The following EGFR variants were observed in gnomAD, a reference collection of about 807,000 sequenced individuals.
EGFR encodes avian erythroblastic leukemia viral (v-erb-b) oncogene homolog.
Under a neutral mutation model 143.0 loss-of-function variants are expected in EGFR, and 58 were observed. The observed-to-expected ratio is 0.41, with a 90% CI of 0.33 to 0.50. EGFR has a LOEUF of 0.50. Ranked by LOEUF, EGFR falls within the 20% of genes least tolerant of loss-of-function variation. The pLI is 0.39. For synonymous variants in EGFR, 613 were observed against 594.4 expected (o/e 1.03, Z -0.45); for missense variants, 1,307 against 1,579.0 (o/e 0.83, Z 2.92).
intron 1 of EGFR, among the ~76,000 whole-genome samples, chr7:55,110,695 C>T (rs914953927): frequency 3.3e-5 from 5 of 152,156 alleles, no homozygotes; most frequent in East Asian, 1.9e-4. Context: ...TGTTCGGATC[C>T]GGAAGTAGAA....
chr7:55,057,079 T>C lies in EGFR; in HGVS notation c.88+37714T>C, dbSNP rs79766186. On this transcript the variant is annotated intron_variant, in intron 1 of 27. Transcript: ENST00000275493. ...TGGTGCGACTGCCATCCTCTGGTAC[T>C]GAAGGTGCTATCATGGAGGGAGGGA... Among the ~76,000 whole-genome samples, 358 of 152,342 alleles carry C rather than the reference T, an allele frequency of 2.3e-3. 17 individuals are homozygous for C. In the East Asian group the frequency reaches 0.051, roughly 22 times the overall value.
intron 1 of EGFR, among the ~76,000 whole-genome samples, chr7:55,037,212 T>TTA (rs750034083): frequency 7.2e-5 from 11 of 152,258 alleles, no homozygotes; most frequent in Non-Finnish European, 1.6e-4. Context: ...TCTTGGATTT[T>TTA]TAGCTCAATT....
chr7:55,176,304 C>A (rs1049530527), intron 19 of EGFR, among the ~76,000 whole-genome samples: 1 of 152,180 alleles, frequency 6.6e-6, no homozygotes, highest in African/African-American at 2.4e-5. Flanking sequence ...GGGAAGGAAG[C>A]AGTGTTCACT....
intron 1 of EGFR, among the ~76,000 whole-genome samples, chr7:55,071,272 T>A (rs1403068601): frequency 6.6e-6 from 1 of 152,240 alleles, no homozygotes; most frequent in African/African-American, 2.4e-5. Context: ...GGAACACATA[T>A]GCTGATTTCC....
chr7:55,049,762 T>C (rs1788379359), intron 1 of EGFR, among the ~76,000 whole-genome samples: 1 of 152,218 alleles, frequency 6.6e-6, no homozygotes, highest in Admixed American at 6.5e-5. Flanking sequence ...CTAGACTATG[T>C]GTCCCCAAGA....
chr7:55,157,885 C>T, intron 11 of EGFR, 132 bp downstream of exon 11: 1 of 909,192 alleles, frequency 1.1e-6, no homozygotes, highest in Non-Finnish European at 1.7e-6. Context: ...AATGCTATCT[C>T]ACATGAGCAG....
intron 19 of EGFR, among the ~76,000 whole-genome samples, chr7:55,176,996 A>C (rs1258093309): frequency 6.6e-6 from 1 of 151,476 alleles, no homozygotes; most frequent in Non-Finnish European, 1.5e-5. Flanking sequence ...AATAAAAGAA[A>C]GCTCAGTTTG....
At position 55,091,885 on chromosome 7, in the gene EGFR, CA is replaced by C. The variant is rs1562706235; in HGVS notation, c.89-50400del. 8.6e-4 allele frequency among the ~76,000 whole-genome samples: 93 copies of C among 108,256 alleles called. 1 individual carries two copies. The highest frequency in any genetic ancestry group is 1.5e-3 in the African/African-American group (42 of 27,574). 71.0% of individuals were successfully genotyped at this position (108,256 alleles called of 152,430 possible). A position where few individuals can be genotyped will look rare whatever the true frequency, so the allele number is the denominator to read the frequency against. ...ACACACACACACACACACACACACA[CA>C]CACACCCTGAGAGAGAGAAAGAGAG... On this transcript the variant is annotated intron_variant, in intron 1 of 27. Transcript: ENST00000275493.
At chr7:55,195,123 C>A (rs973566924) in intron 22 of EGFR, among the ~76,000 whole-genome samples, 1 of 152,204 alleles carries the variant, frequency 6.6e-6, no homozygotes, top group Non-Finnish European at 1.5e-5. Context: ...TGTTTAAAAA[C>A]CTAGTTAAAT....
At chr7:55,095,970 C>T (rs1236262825) in intron 1 of EGFR, among the ~76,000 whole-genome samples, 1 of 151,676 alleles carries the variant, frequency 6.6e-6, no homozygotes, top group Non-Finnish European at 1.5e-5. Context: ...GACATACACA[C>T]AGACACGGGC....
At chr7:55,048,056 C>T (rs974185063) in intron 1 of EGFR, among the ~76,000 whole-genome samples, 1 of 151,922 alleles carries the variant, frequency 6.6e-6, no homozygotes, top group South Asian at 2.1e-4. Context: ...TTTTATAGTG[C>T]TCAAATATAT....
At chr7:55,159,239 T>A (rs1049412293) in intron 11 of EGFR, among the ~76,000 whole-genome samples, 1 of 151,946 alleles carries the variant, frequency 6.6e-6, no homozygotes, top group Non-Finnish European at 1.5e-5. Flanking sequence ...CCCATCGTGG[T>A]CCGGCAGGGG....
intron 3 of EGFR, among the ~76,000 whole-genome samples, chr7:55,145,567 C>T (rs902936772): frequency 1.3e-5 from 2 of 152,218 alleles, no homozygotes; most frequent in African/African-American, 4.8e-5. Flanking sequence ...AGCTCATTTT[C>T]CTAGCAGCCT....
chr7:55,084,086 C>T (rs1313642253), intron 1 of EGFR, among the ~76,000 whole-genome samples: 1 of 152,160 alleles, frequency 6.6e-6, no homozygotes, highest in Non-Finnish European at 1.5e-5. Flanking sequence ...ATTGGCTTAC[C>T]ATGATGAGAT....
At chr7:55,189,247 C>G (rs968563088) in intron 20 of EGFR, among the ~76,000 whole-genome samples, 4 of 152,086 alleles carry the variant, frequency 2.6e-5, no homozygotes, top group African/African-American at 9.7e-5. Context: ...CAGTAGTGGT[C>G]TTGGGGTCTC....
chr7:55,182,240 T>G (rs1786916057), intron 20 of EGFR: 1 of 152,760 alleles, frequency 6.5e-6, no homozygotes, highest in Non-Finnish European at 1.5e-5. Flanking sequence ...TCCCATTGAC[T>G]TTAAAGGATT....
At chr7:55,057,237 C>T (rs1788882380) in intron 1 of EGFR, among the ~76,000 whole-genome samples, 1 of 152,166 alleles carries the variant, frequency 6.6e-6, no homozygotes, top group African/African-American at 2.4e-5. Context: ...GGAATTTGCT[C>T]TTTATAAAGT....
chr7:55,025,972 A>C (rs1265109749), intron 1 of EGFR, among the ~76,000 whole-genome samples: 1 of 152,226 alleles, frequency 6.6e-6, no homozygotes, highest in African/African-American at 2.4e-5. Flanking sequence ...CTGAACCAAA[A>C]AAAGTAGGAG....
chr7:55,143,693 G>A (rs572463731), intron 3 of EGFR, among the ~76,000 whole-genome samples: 19 of 152,282 alleles, frequency 1.2e-4, no homozygotes, highest in Admixed American at 1.0e-3. Context: ...AGATTTAAGC[G>A]GGGTACCAGT....
Sources: gnomAD v4.1 joint callset for allele counts (sites outside exome capture counted in the v4.1 genomes callset) on GRCh38, gnomAD v4.1.1 for gene constraint, MANE v1.5 for transcripts, NCBI Gene and HGNC (gene_info 2026-07-23, HGNC 2026-07-21) for gene names.